DLGAP3: variants seen among roughly 807,000 people sequenced by gnomAD.
DLGAP3 encodes disks large-associated protein 3.
In DLGAP3, 17 loss-of-function variants were observed where a neutral mutation model predicts 81.2. The observed-to-expected ratio is 0.21, with a 90% CI of 0.14 to 0.31. The LOEUF (loss-of-function observed/expected upper bound fraction) is 0.31, where lower values mean the gene tolerates loss of function less well. DLGAP3 is among the 10% of genes least tolerant of loss of function. The pLI is 1.00. For synonymous variants in DLGAP3, 577 were observed against 587.4 expected, an observed-to-expected ratio of 0.98 and a Z score of 0.26; for missense variants, 1,124 against 1,388.0, an observed-to-expected ratio of 0.81 and a Z score of 3.02.
intron 8 of DLGAP3, among the ~76,000 whole-genome samples, chr1:34,878,058 A>G (rs914045628): frequency 6.6e-6 from 1 of 152,226 alleles, no homozygotes; most frequent in Non-Finnish European, 1.5e-5. Context: ...TAATCCCAAC[A>G]CTTTGGGAGG....
At chr1:34,903,645 G>A (rs114327933) in intron 3 of DLGAP3, among the ~76,000 whole-genome samples, 5,607 of 152,136 alleles carry the variant, frequency 0.037, 131 homozygotes, top group African/African-American at 0.063. Flanking sequence ...ATCCACTCCC[G>A]GGAGGCCCTG....
chr1:34,904,525 A>T lies in DLGAP3; in HGVS notation c.859T>A (p.Phe287Ile). 6.2e-7 allele frequency: 1 copy of T among 1,614,184 alleles called. No homozygotes were observed. ...GACCCATCTGGACCCTCCAGGCAGA[A>T]GGGACCACCAGGCTCCCCAGGGGGC... ...GRPPGEPGGP[F>I]CLEGPDGSYR... Residue 287 changes from phenylalanine to isoleucine, a missense_variant, in exon 3 of 12, where the codon TTC (phenylalanine) becomes ATC (isoleucine). Physicochemically the swap from Phe to Ile is conservative, Grantham distance 21. Around this residue, in one of 9 missense-constraint regions of DLGAP3, gnomAD observed 357 missense variants for 408.8 expected, o/e 0.87. Coordinates refer to ENST00000373347, the MANE Select transcript of DLGAP3 (RefSeq NM_001080418.3). The surrounding 1 kb of genome is among the most constrained non-coding windows in gnomAD (Gnocchi z 8.1).
chr1:34,914,463 C>CTCCTCTAGGACCT lies in DLGAP3; in HGVS notation c.-134-7027_-134-7026insAGGTCCTAGAGGA, dbSNP rs1639686837. On this transcript the variant is annotated intron_variant, in intron 1 of 11. Transcript: ENST00000373347. ...CTAGGACCAGAACTCCTCTAGGACC[C>CTCCTCTAGGACCT]GAACTCCTCTAGGACCCTCGTTAGG... 2.6e-5 allele frequency among the ~76,000 whole-genome samples: 4 copies of CTCCTCTAGGACCT among 152,094 alleles called. No homozygotes were observed. The South Asian group carries it at 6.2e-4, about 24-fold the overall frequency.
At position 34,929,231 on chromosome 1, in the gene DLGAP3, G is replaced by T. The variant is rs1024448407; in HGVS notation, c.-135+220C>A. ...GGAGCGTGGGTCCGCGGTCCGCGTG[G>T]TCCCCTGCCCGCCCCTCGGGTCGGG... On this transcript the variant is annotated intron_variant, in intron 1 of 11. Coordinates refer to ENST00000373347, the MANE Select transcript of DLGAP3 (RefSeq NM_001080418.3). The surrounding 1 kb of genome is among the most constrained non-coding windows in gnomAD (Gnocchi z 6.5). Among the ~76,000 whole-genome samples the T allele has an allele frequency of 5.0e-3, 754 of 151,354 alleles. 8 individuals are homozygous for T. The highest frequency in any genetic ancestry group is 0.017 in the African/African-American group (720 of 41,458).
intron 1 of DLGAP3, among the ~76,000 whole-genome samples, chr1:34,914,389 C>G (rs375238689): frequency 6.6e-6 from 1 of 152,312 alleles, no homozygotes. Context: ...CTGAAAGTCT[C>G]CAGGGGCCTT....
intron 5 of DLGAP3, among the ~76,000 whole-genome samples, chr1:34,890,148 C>T (rs1639291207): frequency 6.6e-6 from 1 of 152,230 alleles, no homozygotes; most frequent in Admixed American, 6.5e-5. Context: ...TCTGTACCTA[C>T]AAGCTGGTCC....
Position 34,891,563 on chromosome 1 carries a change from C to T in DLGAP3, c.1387-5278G>A, listed in dbSNP as rs549713088. Among the ~76,000 whole-genome samples, 7 of 152,342 alleles carry T rather than the reference C, an allele frequency of 4.6e-5. No individual in the cohort carries two copies. In the East Asian group the frequency reaches 9.6e-4, roughly 21 times the overall value. Reference sequence around the variant, plus strand: ...AGACCAGAGAAGCCTGAGCCACCCACACATCCCTAGCCAATGGAGCTTATA... The same window carrying T: ...AGACCAGAGAAGCCTGAGCCACCCATACATCCCTAGCCAATGGAGCTTATA... On this transcript the variant is annotated intron_variant, in intron 5 of 11. Transcript: ENST00000373347.
Position 34,885,583 on chromosome 1 carries a change from C to T in DLGAP3, c.1809G>A (p.Arg603=), listed in dbSNP as rs770839950. The T allele has an allele frequency of 8.8e-6, 14 of 1,598,924 alleles. No homozygotes were observed. Among genetic ancestry groups the T allele is most frequent in the Non-Finnish European group, 9.3e-6 (11 of 1,176,928 alleles). The change falls in exon 7 of 12, where the codon CGG becomes CGA. Residue 603 remains arginine, a synonymous_variant. Coordinates refer to ENST00000373347, the MANE Select transcript of DLGAP3 (RefSeq NM_001080418.3). The stretch of plus-strand genomic sequence containing the variant: ...TGAGTGTGGGGGGCTTGGGGCTGGC[C>T]CGGGGCGGCACCGGCGCCAACTCCA... ...RTLELAPVPP[R]ASPKPPTLII... is the part of the protein sequence containing the mutation.
chr1:34,908,133 T>C (rs765246958), intron 1 of DLGAP3, among the ~76,000 whole-genome samples: 1 of 152,252 alleles, frequency 6.6e-6, no homozygotes, highest in Non-Finnish European at 1.5e-5. Flanking sequence ...TGTGGTCTTC[T>C]TCAGAATAGG....
intron 1 of DLGAP3, among the ~76,000 whole-genome samples, chr1:34,911,732 G>A (rs1639643991): frequency 6.6e-6 from 1 of 152,150 alleles, no homozygotes; most frequent in African/African-American, 2.4e-5. Flanking sequence ...ACTTGCTGGG[G>A]GCTGCCAGGC....
In DLGAP3 at chr1:34,884,999, A is replaced by C; in HGVS notation, c.1979T>G (p.Val660Gly). 6.2e-7 allele frequency: 1 copy of C among 1,612,186 alleles called. No homozygotes were observed. The highest frequency in any genetic ancestry group is 8.5e-7 in the Non-Finnish European group (1 of 1,179,648). ...TTACCTCTTGTCCTCTTCCACCTGC[A>C]CGCCAATAGAGTGGAACTCCCTCCG... ...RSRREFHSIG[V>G]QVEEDKRRAR... The change falls in exon 8 of 12, where the codon GTG (valine) becomes GGG (glycine). Residue 660 changes from valine (V) to glycine (G), a missense_variant. Coordinates refer to ENST00000373347, the MANE Select transcript of DLGAP3 (RefSeq NM_001080418.3).
intron 8 of DLGAP3, among the ~76,000 whole-genome samples, 199 bp from the exon 9 acceptor site, chr1:34,869,288 G>T (rs1482842142): frequency 6.6e-6 from 1 of 152,098 alleles, no homozygotes; most frequent in East Asian, 1.9e-4. Flanking sequence ...TCTAGATAGG[G>T]GTGATATCCA....
chr1:34,924,434 G>C (rs1639838650), intron 1 of DLGAP3, among the ~76,000 whole-genome samples: 1 of 152,288 alleles, frequency 6.6e-6, no homozygotes, highest in East Asian at 1.9e-4. Flanking sequence ...GCAGTGGGCA[G>C]AACACAGGAC....
intron 3 of DLGAP3, among the ~76,000 whole-genome samples, chr1:34,901,495 G>A (rs962354981): frequency 1.3e-5 from 2 of 152,230 alleles, no homozygotes; most frequent in Non-Finnish European, 2.9e-5. Context: ...TTGCTGGATA[G>A]GTGAACTTAA....
intron 8 of DLGAP3, 58 bp from the exon 9 acceptor site, chr1:34,869,147 C>A: frequency 2.4e-6 from 3 of 1,274,406 alleles, no homozygotes; most frequent in Non-Finnish European, 3.2e-6. Context: ...GCTCTCACCC[C>A]CACCCCAAGC....
At chr1:34,906,803 C>T (rs1409687889) in intron 2 of DLGAP3, among the ~76,000 whole-genome samples, 2 of 152,292 alleles carry the variant, frequency 1.3e-5, no homozygotes, top group South Asian at 2.1e-4. Context: ...TCCTGGCCCC[C>T]ATCCCAGACT....
intron 1 of DLGAP3, chr1:34,925,515 G>A (rs1350645437): frequency 2.6e-5 from 4 of 152,320 alleles, no homozygotes; most frequent in Admixed American, 2.6e-4. Context: ...GAAGCACTGA[G>A]TGAGGGGAGG....
chr1:34,896,268 G>A (rs1355113449), intron 5 of DLGAP3, among the ~76,000 whole-genome samples: 1 of 151,980 alleles, frequency 6.6e-6, no homozygotes, highest in Non-Finnish European at 1.5e-5. Context: ...AAAAAAAGAA[G>A]AACAAGAAGG....
chr1:34,879,265 G>C (rs368575422), intron 8 of DLGAP3, among the ~76,000 whole-genome samples: 20 of 152,154 alleles, frequency 1.3e-4, no homozygotes, highest in Non-Finnish European at 2.5e-4. Context: ...TTGTTTTCCT[G>C]CAACTAGACG....
Sources: allele counts gnomAD v4.1 joint callset (sites outside exome capture counted in the v4.1 genomes callset), GRCh38; gene constraint gnomAD v4.1.1; regional missense constraint gnomAD v4.1.1; non-coding constraint Gnocchi (gnomAD v3.1); transcripts MANE v1.5; gene names NCBI Gene and HGNC (gene_info 2026-07-23, HGNC 2026-07-21).